The following MAP3K13 variants were observed in gnomAD, a reference collection of about 807,000 sequenced individuals.
MAP3K13 encodes the protein leucine zipper-bearing kinase.
Under a neutral mutation model 104.0 loss-of-function variants are expected in MAP3K13, and 52 were observed. That is an observed-to-expected ratio of 0.50 (90% CI 0.40 to 0.63). MAP3K13 has a LOEUF of 0.63. Ranked by LOEUF, MAP3K13 falls within the 20% of genes least tolerant of loss-of-function variation. The pLI is 0.00. For missense variants in MAP3K13, 914 were observed against 1,218.5 expected (o/e 0.75, Z 3.72); for synonymous variants, 394 against 442.2 (o/e 0.89, Z 1.37).
rs1354057408 is a variant in MAP3K13 at position 185,449,962 on chromosome 3, C to G, written c.1073C>G (p.Ser358Cys). 2 of 1,613,858 alleles carry G rather than the reference C, an allele frequency of 1.2e-6. No individual in the cohort carries two copies. The highest frequency in any genetic ancestry group is 2.7e-5 in the African/African-American group (2 of 75,016). Residue 358 changes from serine to cysteine, a missense_variant, in exon 6 of 14, where the codon TCT becomes TGT. Physicochemically the swap from Ser to Cys is moderately radical, Grantham distance 112 (BLOSUM62 -1). This residue lies in a region of MAP3K13 where 175 missense variants were observed against 321.3 expected (regional missense o/e 0.54). Transcript: ENST00000265026. The stretch of plus-strand genomic sequence containing the variant: ...GAGATCCCTTACAAAGATGTAGATT[C>G]TTCAGCCATTATCTGGGGTGTTGGA... ...TGEIPYKDVD[S>C]SAIIWGVGSN...
chr3:185,471,334 T>G (rs537430791), intron 10 of MAP3K13, among the ~76,000 whole-genome samples: 1 of 139,554 alleles, frequency 7.2e-6, no homozygotes, highest in South Asian at 2.3e-4. Flanking sequence ...TTTGTAGAGA[T>G]AGGGTCTTGC....
intron 1 of MAP3K13, among the ~76,000 whole-genome samples, chr3:185,365,569 A>G (rs1338065616): frequency 6.6e-6 from 1 of 152,200 alleles, no homozygotes; most frequent in Non-Finnish European, 1.5e-5. Flanking sequence ...CAAATAGTTC[A>G]AGATAGCCAA....
intron 3 of MAP3K13, among the ~76,000 whole-genome samples, chr3:185,437,936 C>T (rs1715132478): frequency 6.6e-6 from 1 of 152,150 alleles, no homozygotes; most frequent in Non-Finnish European, 1.5e-5. Flanking sequence ...GCATCAACCT[C>T]ATTTATCAAT....
intron 10 of MAP3K13, among the ~76,000 whole-genome samples, chr3:185,469,192 A>AG (rs1717631886): frequency 6.6e-6 from 1 of 152,200 alleles, no homozygotes; most frequent in Non-Finnish European, 1.5e-5. Flanking sequence ...ACCATCCTTA[A>AG]GCCCAGGTTT....
chr3:185,485,178 T>C lies in MAP3K13; in HGVS notation c.*2722T>C, dbSNP rs1195739190. The C allele has an allele frequency of 1.3e-5, 2 of 152,190 alleles. No individual in the cohort carries two copies. Among genetic ancestry groups the C allele is most frequent in the Admixed American group, 6.5e-5 (1 of 15,276 alleles). 9.4% of individuals were successfully genotyped at this position (152,190 alleles called of 1,614,324 possible). A position where few individuals can be genotyped will look rare whatever the true frequency, so the allele number is the denominator to read the frequency against. ...GACTATATTAGAAATAAAAAGAGAA[T>C]GATTTAATGTCCTGAGAGGAACAGA... On this transcript the variant is annotated 3_prime_UTR_variant, in exon 14 of 14. Transcript: ENST00000265026.
rs531994613 is a variant in MAP3K13, at chr3:185,423,236, C to G, written c.-85-5261C>G. On this transcript the variant is annotated intron_variant, in intron 1 of 13. Coordinates refer to ENST00000265026, the MANE Select transcript of MAP3K13 (RefSeq NM_004721.5). The surrounding 1 kb of genome is among the most constrained non-coding windows in gnomAD (Gnocchi z 4.1). ...CTTGAACCATCTTGAAACCATCCCC[C>G]CTGCCTGGTCCGTGGAAGTAGTGTC... 6.6e-6 allele frequency among the ~76,000 whole-genome samples: 1 copy of G among 152,178 alleles called. No individual in the cohort carries two copies. Among genetic ancestry groups the G allele is most frequent in the Non-Finnish European group, 1.5e-5 (1 of 68,036 alleles).
chr3:185,315,826 G>T lies in MAP3K13; in HGVS notation c.-86+30183G>T, dbSNP rs1721651589. ...TCAGAACAGTGGATTAATATATATT[G>T]CTATTATTATATTAATATTTTTGGT... On this transcript the variant is annotated intron_variant, in intron 2 of 14. Transcript: ENST00000424227. This position sits in a 1 kb window ranked among gnomAD's most constrained non-coding sequence, Gnocchi z 4.3. Among the ~76,000 whole-genome samples the T allele has an allele frequency of 6.6e-6, 1 of 152,038 alleles. No homozygotes were observed. Among genetic ancestry groups the T allele is most frequent in the South Asian group, 2.1e-4 (1 of 4,820 alleles).
intron 11 of MAP3K13, among the ~76,000 whole-genome samples, chr3:185,475,468 C>A (rs1273448788): frequency 6.6e-6 from 1 of 152,170 alleles, no homozygotes; most frequent in Admixed American, 6.5e-5. Flanking sequence ...AGAAAAGAAG[C>A]TGAAGCTGAG....
At chr3:185,361,237 G>A (rs2108741123), upstream of MAP3K13, among the ~76,000 whole-genome samples, 1 of 150,200 alleles carries the variant, frequency 6.7e-6, no homozygotes, top group South Asian at 2.1e-4. Flanking sequence ...TATTGACATA[G>A]TCCACAAAAA....
At chr3:185,288,378 C>T (rs936463541) in intron 2 of MAP3K13, among the ~76,000 whole-genome samples, 12 of 150,716 alleles carry the variant, frequency 8.0e-5, no homozygotes, top group Non-Finnish European at 1.6e-4. Flanking sequence ...ATATTACATA[C>T]ATATATATGT....
At chr3:185,346,203 T>C (rs1577447694) in intron 2 of MAP3K13, among the ~76,000 whole-genome samples, 1 of 152,314 alleles carries the variant, frequency 6.6e-6, no homozygotes, top group East Asian at 1.9e-4. Context: ...TAAAATAATT[T>C]GGTTAAAATA....
chr3:185,417,847 C>A, intron 1 of MAP3K13: 4 of 1,606,940 alleles, frequency 2.5e-6, no homozygotes, highest in South Asian at 1.1e-5. Flanking sequence ...TAGGACTCTG[C>A]GATGAATCTT....
At chr3:185,325,573 G>T (rs1451541596) in intron 2 of MAP3K13, among the ~76,000 whole-genome samples, 1 of 152,162 alleles carries the variant, frequency 6.6e-6, no homozygotes, top group East Asian at 1.9e-4. Flanking sequence ...TGCCTATTTG[G>T]TTTTGGGAGG....
intron 2 of MAP3K13, among the ~76,000 whole-genome samples, chr3:185,296,237 C>T (rs950420604): frequency 1.3e-5 from 2 of 152,178 alleles, no homozygotes; most frequent in Non-Finnish European, 2.9e-5. Context: ...GAGCAAGACC[C>T]TGTCTCAAAC....
intron 2 of MAP3K13, among the ~76,000 whole-genome samples, chr3:185,345,149 A>G (rs910183060): frequency 6.6e-6 from 1 of 152,174 alleles, no homozygotes; most frequent in Non-Finnish European, 1.5e-5. Context: ...GGCATGAGCC[A>G]CTGCACCCGG....
In MAP3K13 at chr3:185,285,965, G is replaced by T. The variant is rs545854912; in HGVS notation, c.-86+322G>T. Among the ~76,000 whole-genome samples, 4 of 152,174 alleles carry T rather than the reference G, an allele frequency of 2.6e-5. No homozygotes were observed. The South Asian group carries it at 8.3e-4, about 32-fold the overall frequency. ...TAATTTAATCTGTGGATCCCGTGTAGAAATGAGGCCTCAAATAGTCATTTA... is the reference window on the plus strand; with the variant it reads ...TAATTTAATCTGTGGATCCCGTGTATAAATGAGGCCTCAAATAGTCATTTA... On this transcript the variant is annotated intron_variant, in intron 2 of 14. Transcript: ENST00000424227.
chr3:185,367,000 C>G (rs1452696955), intron 1 of MAP3K13, among the ~76,000 whole-genome samples: 1 of 152,078 alleles, frequency 6.6e-6, no homozygotes. Flanking sequence ...TTGGCTTTGC[C>G]TGACTCAAGG....
At chr3:185,370,587 C>T (rs1434906899) in intron 1 of MAP3K13, among the ~76,000 whole-genome samples, 3 of 152,164 alleles carry the variant, frequency 2.0e-5, no homozygotes, top group Non-Finnish European at 4.4e-5. Context: ...CAGATGGAGA[C>T]ATCTAGGTGA....
intron 1 of MAP3K13, among the ~76,000 whole-genome samples, chr3:185,377,720 T>C (rs545891622): frequency 7.9e-5 from 12 of 152,232 alleles, no homozygotes; most frequent in African/African-American, 2.9e-4. Context: ...AAGAAGGGGA[T>C]GGACTTACCC....
Sources: gnomAD v4.1 joint callset for allele counts (sites outside exome capture counted in the v4.1 genomes callset) on GRCh38, gnomAD v4.1.1 for gene constraint, gnomAD v4.1.1 regional missense constraint, Gnocchi (gnomAD v3.1) non-coding constraint, MANE v1.5 for transcripts, NCBI Gene and HGNC (gene_info 2026-07-23, HGNC 2026-07-21) for gene names.